ZNF267: variants seen among roughly 807,000 people sequenced by gnomAD.
ZNF267 encodes zinc finger (C2H2).
In ZNF267, 61 loss-of-function variants were observed where a neutral mutation model predicts 71.6. That is an observed-to-expected ratio of 0.85 (90% CI 0.69 to 1.05). The LOEUF (loss-of-function observed/expected upper bound fraction) is 1.05. Ranked by LOEUF, ZNF267 falls within the 50% of genes least tolerant of loss-of-function variation. The pLI, the probability that ZNF267 is intolerant of heterozygous loss-of-function variation, is 0.00. For synonymous variants in ZNF267, 288 were observed against 293.2 expected (o/e 0.98, Z 0.18); for missense variants, 852 against 870.0 (o/e 0.98, Z 0.26).
chr16:31,906,408 G>A (rs2084090573), intron 3 of ZNF267, among the ~76,000 whole-genome samples: 1 of 152,196 alleles, frequency 6.6e-6, no homozygotes, highest in South Asian at 2.1e-4. Context: ...GCCTCCTTGA[G>A]CTGTGGTGGG....
chr16:31,876,874 T>G (rs545115410), intron 1 of ZNF267, among the ~76,000 whole-genome samples: 1 of 151,870 alleles, frequency 6.6e-6, no homozygotes, highest in Non-Finnish European at 1.5e-5. Context: ...TCCAGGGGAG[T>G]TTCCCCTGCA....
intron 3 of ZNF267, among the ~76,000 whole-genome samples, chr16:31,895,181 G>A (rs1220872066): frequency 1.3e-5 from 2 of 152,354 alleles, no homozygotes; most frequent in South Asian, 2.1e-4. Flanking sequence ...GGGAGCTGAC[G>A]AAGGCAGCCT....
At position 31,915,952 on chromosome 16, in the gene ZNF267, G is replaced by A. The variant is rs909059556; in HGVS notation, c.1703G>A (p.Arg568Gln). ...AGTTCACACCTTATTCGACATCATC[G>A]AATTCATACTGGAGAAAAACCATAC... ...PYSSHLIRHHRIHTGEKPYKC... is the reference protein window; with the variant it reads ...PYSSHLIRHHQIHTGEKPYKC... Residue 568 changes from arginine (R) to glutamine (Q), a missense_variant, in exon 4 of 4, where the codon CGA (arginine) becomes CAA (glutamine). Transcript: ENST00000300870. 23 of 1,612,310 alleles carry A rather than the reference G, an allele frequency of 1.4e-5. No individual in the cohort carries two copies. The highest frequency in any genetic ancestry group is 9.4e-5 in the African/African-American group (7 of 74,790).
chr16:31,893,683 T>G (rs2083976660), intron 3 of ZNF267, among the ~76,000 whole-genome samples: 1 of 152,224 alleles, frequency 6.6e-6, no homozygotes, highest in African/African-American at 2.4e-5. Flanking sequence ...TGTCTCAGGT[T>G]AAGCATAACT....
At chr16:31,898,497 A>G (rs1183427245) in intron 3 of ZNF267, among the ~76,000 whole-genome samples, 1 of 150,616 alleles carries the variant, frequency 6.6e-6, no homozygotes, top group Non-Finnish European at 1.5e-5. Flanking sequence ...TAGATTTTGT[A>G]GCTTTTTTGT....
rs1349973934 is a variant in ZNF267 at position 31,915,621 on chromosome 16, CAT to C, written c.1374_1375del (p.Thr459ArgfsTer8). On this transcript the variant is annotated frameshift_variant, in exon 4 of 4. Transcript: ENST00000300870. LOFTEE classifies it high-confidence loss of function. ...SSCLTQHQTTHTGEKLYKCKV... is the reference protein window; with the variant it reads ...SSCLTQHQTTXTGEKLYKCKV... ...ATGCCTTACTCAACATCAGACAACT[CAT>C]ACAGGAGAAAAACTTTACAAATGTA... 2.5e-6 allele frequency: 4 copies of C among 1,613,792 alleles called. No homozygotes were observed. Among genetic ancestry groups the C allele is most frequent in the Non-Finnish European group, 3.4e-6 (4 of 1,179,958 alleles).
At chr16:31,897,438 GCT>G (rs1215543295) in intron 3 of ZNF267, among the ~76,000 whole-genome samples, 1 of 151,996 alleles carries the variant, frequency 6.6e-6, no homozygotes, top group Non-Finnish European at 1.5e-5. Flanking sequence ...GGATTTATGG[GCT>G]CTCTAATCTT....
intron 3 of ZNF267, among the ~76,000 whole-genome samples, chr16:31,905,689 A>C (rs557482575): frequency 2.6e-5 from 4 of 152,012 alleles, no homozygotes; most frequent in Non-Finnish European, 5.9e-5. Context: ...CCATTCGTCT[A>C]ATTTTTTTTC....
intron 3 of ZNF267, among the ~76,000 whole-genome samples, chr16:31,893,402 C>T (rs925904742): frequency 4.6e-5 from 7 of 152,212 alleles, no homozygotes; most frequent in African/African-American, 1.7e-4. Context: ...AGACATTTTC[C>T]CCATTATCTT....
chr16:31,894,632 C>T (rs1029606729), intron 3 of ZNF267: 32 of 486,050 alleles, frequency 6.6e-5, no homozygotes, highest in South Asian at 2.8e-4. Flanking sequence ...ACTTCAGCTT[C>T]GCTGGACATG....
At chr16:31,881,834 T>C (rs1273522205) in intron 1 of ZNF267, among the ~76,000 whole-genome samples, 1 of 152,080 alleles carries the variant, frequency 6.6e-6, no homozygotes, top group Non-Finnish European at 1.5e-5. Context: ...ACAGCTGATT[T>C]TTGTATTTTT....
At chr16:31,896,397 A>G (rs1297359172) in intron 3 of ZNF267, among the ~76,000 whole-genome samples, 4 of 152,232 alleles carry the variant, frequency 2.6e-5, no homozygotes, top group African/African-American at 7.2e-5. Context: ...TATGCAAACT[A>G]TGAAATAGTT....
chr16:31,873,842 T>G lies in ZNF267; in HGVS notation c.-125T>G. ...CGGGTCTCCTCGCCACAGCTCCGAG[T>G]CTTTCGTTCTGGGAGGCCCAGGCGG... On this transcript the variant is annotated 5_prime_UTR_variant, in exon 1 of 4. Transcript: ENST00000300870. 7.4e-7 allele frequency: 1 copy of G among 1,350,392 alleles called. No homozygotes were observed. Among genetic ancestry groups the G allele is most frequent in the South Asian group, 1.2e-5 (1 of 84,168 alleles). The allele number at this position is 1,350,392 out of a possible 1,614,324, so 83.7% of individuals were successfully genotyped here.
chr16:31,915,196 A>G lies in ZNF267; in HGVS notation c.947A>G (p.His316Arg). 1.2e-6 allele frequency: 2 copies of G among 1,613,524 alleles called. No homozygotes were observed. The highest frequency in any genetic ancestry group is 1.3e-5 in the African/African-American group (1 of 75,004). Residue 316 changes from histidine (H) to arginine (R), a missense_variant, in exon 4 of 4, where the codon CAT becomes CGT. Coordinates refer to ENST00000300870, the MANE Select transcript of ZNF267 (RefSeq NM_003414.6). Reference protein sequence around the residue: ...QSSNLRKQIIHNEEKPYKCEK... With the variant: ...QSSNLRKQIIRNEEKPYKCEK... ...TCAAATCTTAGAAAGCAGATAATCC[A>G]TAATGAAGAGAAACCATACAAATGT...
At chr16:31,906,628 A>G (rs1246357025) in intron 3 of ZNF267, among the ~76,000 whole-genome samples, 1 of 152,106 alleles carries the variant, frequency 6.6e-6, no homozygotes, top group Admixed American at 6.5e-5. Context: ...CTATTGGAAA[A>G]GCGCTGTATT....
chr16:31,882,189 A>G (rs2142332410), intron 1 of ZNF267, among the ~76,000 whole-genome samples: 2 of 152,310 alleles, frequency 1.3e-5, no homozygotes, highest in Middle Eastern at 3.4e-3. Context: ...CTGTGAGCAC[A>G]TAGTACAAGC....
chr16:31,881,329 C>G lies in ZNF267; in HGVS notation c.4-3169C>G, dbSNP rs552202695. Among the ~76,000 whole-genome samples, 4 of 152,154 alleles carry G rather than the reference C, an allele frequency of 2.6e-5. No homozygotes were observed. In the South Asian group the frequency reaches 8.3e-4, roughly 32 times the overall value. On this transcript the variant is annotated intron_variant, in intron 1 of 3. Transcript: ENST00000300870. The stretch of plus-strand genomic sequence containing the variant: ...CCCCTGCCCCAGCTCTGCCCAAATC[C>G]AGCCTCTTCTGAGCCTGGTCCAGGT...
chr16:31,876,725 GCTTTCTT>G (rs2083855039), intron 1 of ZNF267, among the ~76,000 whole-genome samples: 1 of 152,184 alleles, frequency 6.6e-6, no homozygotes, highest in South Asian at 2.1e-4. Flanking sequence ...GAGTAGTTTT[GCTTTCTT>G]CCAACACTGG....
chr16:31,907,863 C>T (rs150406179), intron 3 of ZNF267, among the ~76,000 whole-genome samples: 8 of 151,208 alleles, frequency 5.3e-5, no homozygotes, highest in Non-Finnish European at 8.8e-5. Context: ...GATGAAACCC[C>T]GTCTCTACTA....
Sources: gnomAD v4.1 joint callset for allele counts (sites outside exome capture counted in the v4.1 genomes callset) on GRCh38, gnomAD v4.1.1 for gene constraint, MANE v1.5 for transcripts, NCBI Gene and HGNC (gene_info 2026-07-23, HGNC 2026-07-21) for gene names.